MAP3K20: variants seen among roughly 807,000 people sequenced by gnomAD.
MAP3K20 encodes HCCS-4.
MAP3K20 carries 40 observed loss-of-function variants against 85.7 expected under a neutral mutation model. The ratio of observed to expected loss-of-function variants is 0.47; its 90% confidence interval spans 0.36 to 0.61. MAP3K20 has a LOEUF of 0.61. Ranked by LOEUF, MAP3K20 falls within the 20% of genes least tolerant of loss-of-function variation. The probability of loss-of-function intolerance (pLI) is 0.00; values close to 1 mark genes in which losing one functional copy is unlikely to be tolerated. For missense variants in MAP3K20, 817 were observed against 961.7 expected (o/e 0.85, Z 1.99); for synonymous variants, 325 against 327.7 (o/e 0.99, Z 0.09).
chr2:173,124,630 G>A (rs1480449169), intron 2 of MAP3K20, among the ~76,000 whole-genome samples: 1 of 152,192 alleles, frequency 6.6e-6, no homozygotes, highest in Non-Finnish European at 1.5e-5. Context: ...CTGCCCATTA[G>A]GGTGTGACAT....
chr2:173,196,061 G>C (rs1690824369), intron 7 of MAP3K20, among the ~76,000 whole-genome samples: 1 of 125,710 alleles, frequency 8.0e-6, no homozygotes, highest in African/African-American at 2.7e-5. Flanking sequence ...TTCAGTCTGT[G>C]CATGTGTGCA....
At chr2:173,129,476 C>T (rs886758980) in intron 2 of MAP3K20, among the ~76,000 whole-genome samples, 3 of 151,986 alleles carry the variant, frequency 2.0e-5, no homozygotes, top group African/African-American at 7.3e-5. Context: ...TAATACAGCC[C>T]CAGTGTCAGT....
intron 2 of MAP3K20, among the ~76,000 whole-genome samples, chr2:173,139,297 G>A (rs1443945301): frequency 3.9e-5 from 6 of 152,196 alleles, no homozygotes; most frequent in East Asian, 1.9e-4. Flanking sequence ...AATGTCCTCC[G>A]AAACATTACT....
chr2:173,081,822 C>T (rs1422538907), intron 1 of MAP3K20, among the ~76,000 whole-genome samples: 1 of 152,116 alleles, frequency 6.6e-6, no homozygotes, highest in Non-Finnish European at 1.5e-5. Flanking sequence ...ACCGTCTATA[C>T]TTTATAGTAG....
At position 173,134,390 on chromosome 2, in the gene MAP3K20, A is replaced by G. The variant is rs1464965448; in HGVS notation, c.160-35415A>G. On this transcript the variant is annotated intron_variant, in intron 2 of 19. Coordinates refer to ENST00000375213, the MANE Select transcript of MAP3K20 (RefSeq NM_016653.3). ...ATTGTGTGTGTGTGTGTGTGTCTCT[A>G]TACATATATATATATATATATATAT... Among the ~76,000 whole-genome samples, 4 of 34,396 alleles carry G rather than the reference A, an allele frequency of 1.2e-4. No individual in the cohort carries two copies. In the East Asian group the frequency reaches 1.8e-3, roughly 15 times the overall value. 22.6% of individuals were successfully genotyped at this position (34,396 alleles called of 152,430 possible). A position where few individuals can be genotyped will look rare whatever the true frequency, so the allele number is the denominator to read the frequency against.
chr2:173,232,348 T>G lies in MAP3K20; in HGVS notation c.1092T>G (p.Tyr364Ter). Reference sequence around the variant, plus strand: ...ACTCTTCAGCAGAGATGAGTGTATATGCAAGCTTGTTTAAAGAAAACAACA... The same window carrying G: ...ACTCTTCAGCAGAGATGAGTGTATAGGCAAGCTTGTTTAAAGAAAACAACA... The part of the protein sequence containing the change: ...KGDSSAEMSV[Y>*]ASLFKENNIT... The change falls in exon 14 of 20, where the codon TAT becomes TAG. Residue 364 changes from tyrosine (Y) to a stop codon, truncating the protein, a stop_gained. Coordinates refer to ENST00000375213, the MANE Select transcript of MAP3K20 (RefSeq NM_016653.3). LOFTEE classifies it high-confidence loss of function. The G allele has an allele frequency of 6.2e-7, 1 of 1,614,256 alleles. No individual in the cohort carries two copies. The highest frequency in any genetic ancestry group is 8.5e-7 in the Non-Finnish European group (1 of 1,180,040).
rs368065540 is a variant in MAP3K20 at position 173,151,616 on chromosome 2, C to A, written c.160-18189C>A. Among the ~76,000 whole-genome samples the A allele has an allele frequency of 1.2e-3, 184 of 152,280 alleles. 3 individuals are homozygous for A. The South Asian group carries it at 0.038, about 31-fold the overall frequency. ...GGTGTTTATTTATATGTAACATTATCGAAATGTGCAGGCATGTACATCTAT... is the reference window on the plus strand; with the variant it reads ...GGTGTTTATTTATATGTAACATTATAGAAATGTGCAGGCATGTACATCTAT... On this transcript the variant is annotated intron_variant, in intron 2 of 19. Coordinates refer to ENST00000375213, the MANE Select transcript of MAP3K20 (RefSeq NM_016653.3).
intron 14 of MAP3K20, among the ~76,000 whole-genome samples, chr2:173,238,143 C>T: frequency 6.6e-6 from 1 of 152,138 alleles, no homozygotes; most frequent in East Asian, 1.9e-4. Context: ...AGAATGAGAC[C>T]TGGTCTCCAA....
intron 4 of MAP3K20, among the ~76,000 whole-genome samples, chr2:173,183,166 C>G (rs1559267182): frequency 6.6e-6 from 1 of 152,108 alleles, no homozygotes; most frequent in Admixed American, 6.5e-5. Flanking sequence ...TCTTAAGACT[C>G]TACTTTATTT....
chr2:173,175,192 C>T (rs1443025885), intron 3 of MAP3K20, among the ~76,000 whole-genome samples: 1 of 152,122 alleles, frequency 6.6e-6, no homozygotes, highest in Non-Finnish European at 1.5e-5. Flanking sequence ...TTTCCCCAAA[C>T]AGTATTTTGT....
intron 2 of MAP3K20, among the ~76,000 whole-genome samples, chr2:173,112,529 A>G (rs1315536150): frequency 6.6e-6 from 1 of 152,212 alleles, no homozygotes; most frequent in Admixed American, 6.5e-5. Flanking sequence ...ATTCAAAATT[A>G]TGTTGGCTGT....
At chr2:173,075,681 G>A, upstream of MAP3K20, 1 of 970,906 alleles carries the variant, frequency 1.0e-6, no homozygotes, top group Non-Finnish European at 1.2e-6. Context: ...GTGTGTCTGG[G>A]GGCCTCGGCG....
Position 173,191,164 on chromosome 2 carries a change from A to G in MAP3K20, c.569A>G (p.Tyr190Cys). Residue 190 changes from tyrosine (Y) to cysteine (C), a missense_variant, in exon 7 of 20, where the codon TAT becomes TGT. By Grantham distance (194) the Tyr-to-Cys change is radical. Coordinates refer to ENST00000375213, the MANE Select transcript of MAP3K20 (RefSeq NM_016653.3). ...CCTGTGTCAGAAACTTGTGACACAT[A>G]TTCCTATGGTGTGGTGAGTTCATTT... is the stretch of plus-strand genomic sequence containing the variant. Reference protein sequence around the residue: ...SLPVSETCDTYSYGVVLWEML... With the variant: ...SLPVSETCDTCSYGVVLWEML... 6.2e-7 allele frequency: 1 copy of G among 1,613,880 alleles called. No individual in the cohort carries two copies. Among genetic ancestry groups the G allele is most frequent in the Non-Finnish European group, 8.5e-7 (1 of 1,179,898 alleles).
At chr2:173,162,769 T>A (rs1470478475) in intron 2 of MAP3K20, among the ~76,000 whole-genome samples, 1 of 151,430 alleles carries the variant, frequency 6.6e-6, no homozygotes, top group Non-Finnish European at 1.5e-5. Flanking sequence ...CCACACACAC[T>A]AGAGGACTTG....
chr2:173,197,918 G>T (rs1334133644), intron 7 of MAP3K20, 108 bp from the exon 8 acceptor site: 18 of 811,080 alleles, frequency 2.2e-5, no homozygotes, highest in Non-Finnish European at 3.3e-5. Flanking sequence ...AGTTGGGGTT[G>T]GTTGTGTCTG....
At chr2:173,238,728 C>T (rs142038472) in intron 15 of MAP3K20, among the ~76,000 whole-genome samples, 38 of 152,250 alleles carry the variant, frequency 2.5e-4, no homozygotes, top group African/African-American at 9.2e-4. Context: ...TCCCACCTGG[C>T]CCTGGATACT....
chr2:173,252,143 C>T (rs555118357), intron 16 of MAP3K20, among the ~76,000 whole-genome samples: 2 of 152,208 alleles, frequency 1.3e-5, no homozygotes, highest in Admixed American at 1.3e-4. Context: ...TTCTTCATTC[C>T]CTTTTTTCTT....
At chr2:173,222,577 G>A (rs187351616) in intron 11 of MAP3K20, 1,229 of 985,542 alleles carry the variant, frequency 1.2e-3, no homozygotes, top group Non-Finnish European at 1.4e-3. Context: ...AGCAAGTGGG[G>A]TATGTGTGGT....
chr2:173,103,517 A>G (rs371963635), intron 2 of MAP3K20, among the ~76,000 whole-genome samples: 2 of 152,212 alleles, frequency 1.3e-5, no homozygotes, highest in Non-Finnish European at 2.9e-5. Flanking sequence ...TTATTAGCAG[A>G]TAAAGTAAGC....
Sources: allele counts gnomAD v4.1 joint callset (sites outside exome capture counted in the v4.1 genomes callset), GRCh38; gene constraint gnomAD v4.1.1; transcripts MANE v1.5; gene names NCBI Gene and HGNC (gene_info 2026-07-23, HGNC 2026-07-21).